The following ACTN2 variants were observed in gnomAD, a reference collection of about 807,000 sequenced individuals.
ACTN2 encodes the protein alpha-actinin-2.
A neutral mutation model predicts 113.8 loss-of-function variants in ACTN2; 39 were observed. That is an observed-to-expected ratio of 0.34 (90% CI 0.27 to 0.45). The LOEUF (loss-of-function observed/expected upper bound fraction) is 0.45. ACTN2 is among the 20% of genes least tolerant of loss of function. ACTN2 has a pLI of 1.00. For missense variants in ACTN2, 992 were observed against 1,177.9 expected (o/e 0.84, Z 2.31); for synonymous variants, 429 against 444.1 (o/e 0.97, Z 0.43).
At chr1:236,704,259 A>C (rs1657761086) in intron 1 of ACTN2, among the ~76,000 whole-genome samples, 1 of 152,126 alleles carries the variant, frequency 6.6e-6, no homozygotes, top group African/African-American at 2.4e-5. Flanking sequence ...GTGTGGAAAA[A>C]ACTCAAACTG....
At chr1:236,726,106 T>G in intron 5 of ACTN2, 86 bp downstream of exon 5, 1 of 1,233,932 alleles carries the variant, frequency 8.1e-7, no homozygotes, top group Non-Finnish European at 1.2e-6. Flanking sequence ...ACCCGTGTTT[T>G]CCTCCTGTCT....
At chr1:236,744,490 T>C (rs1659165390) in intron 11 of ACTN2, 136 bp from the exon 12 acceptor site, 4 of 1,066,538 alleles carry the variant, frequency 3.8e-6, no homozygotes, top group Non-Finnish European at 5.6e-6. Flanking sequence ...AACCCTGGCC[T>C]GCATCTTCAG....
At chr1:236,749,004 A>C in intron 13 of ACTN2, 120 bp from the exon 14 acceptor site, 1 of 1,144,886 alleles carries the variant, frequency 8.7e-7, no homozygotes, top group South Asian at 1.3e-5. Context: ...TTTTGTAGAC[A>C]CATGCTAATA....
intron 1 of ACTN2, among the ~76,000 whole-genome samples, chr1:236,693,176 T>TGC (rs1225436977): frequency 1.2e-4 from 7 of 57,446 alleles, no homozygotes; most frequent in African/African-American, 4.2e-4. Context: ...TCTGCACACA[T>TGC]GCACACACAC....
At chr1:236,695,398 G>A (rs1657459594) in intron 1 of ACTN2, among the ~76,000 whole-genome samples, 4 of 124,630 alleles carry the variant, frequency 3.2e-5, no homozygotes, top group African/African-American at 3.0e-5. Context: ...AAAAAGTTAA[G>A]AGATGTGCTG....
intron 1 of ACTN2, among the ~76,000 whole-genome samples, chr1:236,713,371 G>T (rs939277030): frequency 6.6e-6 from 1 of 152,132 alleles, no homozygotes; most frequent in African/African-American, 2.4e-5. Context: ...GGGATTACAG[G>T]TGTGCATCAC....
chr1:236,739,298 G>A lies in ACTN2; in HGVS notation c.877-4G>A, dbSNP rs372070498. 1.9e-6 allele frequency: 3 copies of A among 1,613,790 alleles called. No individual in the cohort carries two copies. The highest frequency in any genetic ancestry group is 2.5e-6 in the Non-Finnish European group (3 of 1,179,968). ...TCAGCAGTATTTTTGTGTTTGCGGA[G>A]CAGCTTTTGGAATGGATTCGTCGCA... is the stretch of plus-strand genomic sequence containing the variant. On this transcript the variant is annotated splice_polypyrimidine_tract_variant and splice_region_variant and intron_variant, in intron 9 of 20. Coordinates refer to ENST00000366578, the MANE Select transcript of ACTN2 (RefSeq NM_001103.4).
At chr1:236,736,677 G>A in intron 8 of ACTN2, 1 of 1,483,978 alleles carries the variant, frequency 6.7e-7, no homozygotes, top group Non-Finnish European at 9.1e-7. Context: ...TGGTATATCT[G>A]GATTTTCCTG....
At chr1:236,757,403 G>A (rs1659580359) in intron 17 of ACTN2, 83 bp from the exon 18 acceptor site, 7 of 1,562,868 alleles carry the variant, frequency 4.5e-6, no homozygotes, top group South Asian at 2.2e-5. Context: ...CCTTTGAGTC[G>A]GCTGTACTGT....
At chr1:236,720,050 A>G in intron 3 of ACTN2, 55 bp from the exon 4 acceptor site, 1 of 1,250,646 alleles carries the variant, frequency 8.0e-7, no homozygotes, top group South Asian at 1.2e-5. Context: ...ATAGGAAAAA[A>G]GTTACGTACA....
intron 1 of ACTN2, among the ~76,000 whole-genome samples, chr1:236,689,970 G>A (rs570795189): frequency 6.6e-6 from 1 of 152,308 alleles, no homozygotes; most frequent in Admixed American, 6.5e-5. Context: ...GACCTTTTAA[G>A]GACACGAAAT....
At chr1:236,752,469 A>C (rs1232871691) in intron 15 of ACTN2, among the ~76,000 whole-genome samples, 1 of 144,924 alleles carries the variant, frequency 6.9e-6, no homozygotes, top group Non-Finnish European at 1.5e-5. Context: ...CCAAAGAGAG[A>C]CAGGAAACAA....
At chr1:236,706,237 C>G (rs1350879247) in intron 1 of ACTN2, among the ~76,000 whole-genome samples, 1 of 151,772 alleles carries the variant, frequency 6.6e-6, no homozygotes, top group Non-Finnish European at 1.5e-5. Context: ...TTTTTAGCTT[C>G]TCAGGTTTCT....
intron 10 of ACTN2, among the ~76,000 whole-genome samples, 162 bp downstream of exon 10, chr1:236,739,694 C>G (rs758902603): frequency 1.3e-5 from 2 of 152,182 alleles, no homozygotes; most frequent in African/African-American, 4.8e-5. Flanking sequence ...TACTTTTCTC[C>G]CAACCATCAT....
chr1:236,703,324 C>A (rs1572099735), intron 1 of ACTN2, among the ~76,000 whole-genome samples: 2 of 152,172 alleles, frequency 1.3e-5, no homozygotes, highest in South Asian at 2.1e-4. Flanking sequence ...GCAGGTGTGA[C>A]CCCACACAAC....
At chr1:236,709,506 GCC>G in intron 1 of ACTN2, among the ~76,000 whole-genome samples, 1 of 151,372 alleles carries the variant, frequency 6.6e-6, no homozygotes. Flanking sequence ...TGTCCTCCAT[GCC>G]CCATCTCGGG....
chr1:236,708,167 A>G (rs1183527274), intron 1 of ACTN2, among the ~76,000 whole-genome samples: 1 of 152,064 alleles, frequency 6.6e-6, no homozygotes, highest in East Asian at 1.9e-4. Context: ...CATGTTATCT[A>G]ACAGGACCTT....
chr1:236,697,489 A>G (rs1014442746), intron 1 of ACTN2, among the ~76,000 whole-genome samples: 1 of 152,216 alleles, frequency 6.6e-6, no homozygotes, highest in African/African-American at 2.4e-5. Flanking sequence ...AAAGTGAGCT[A>G]AGACTAGAGG....
rs2297858 is a variant in ACTN2 at position 236,754,528 on chromosome 1, T to C, written c.1974+447T>C. ...ACCAAGAACAGCCAGGAGACATTTA[T>C]TGACCCACTTATTTCTTGTCCCACC... On this transcript the variant is annotated intron_variant, in intron 16 of 20. Transcript: ENST00000366578. The surrounding 1 kb of genome is among the most constrained non-coding windows in gnomAD (Gnocchi z 4.9). Among the ~76,000 whole-genome samples the C allele has an allele frequency of 0.49, 74,400 of 152,138 alleles. 22,444 individuals are homozygous for C. Among genetic ancestry groups the C allele is most frequent in the Non-Finnish European group, 0.68 (46,257 of 67,990 alleles).
Sources: gnomAD v4.1 joint callset for allele counts (sites outside exome capture counted in the v4.1 genomes callset) on GRCh38, gnomAD v4.1.1 for gene constraint, Gnocchi (gnomAD v3.1) non-coding constraint, MANE v1.5 for transcripts, NCBI Gene and HGNC (gene_info 2026-07-23, HGNC 2026-07-21) for gene names.